DENND2B: variants seen among roughly 807,000 people sequenced by gnomAD.
DENND2B encodes the protein DENN domain-containing protein 2B.
DENND2B carries 32 observed loss-of-function variants against 116.0 expected under a neutral mutation model. The ratio of observed to expected loss-of-function variants is 0.28; its 90% CI spans 0.21 to 0.37. The LOEUF is 0.37. Among genes scored for constraint, DENND2B ranks in the 10% least tolerant of loss-of-function variants. DENND2B has a pLI of 1.00. For synonymous variants in DENND2B, 588 were observed against 583.9 expected (o/e 1.01, Z -0.10); for missense variants, 1,276 against 1,477.7 (o/e 0.86, Z 2.24).
intron 14 of DENND2B, among the ~76,000 whole-genome samples, chr11:8,700,212 G>T (rs1414068447): frequency 6.6e-6 from 1 of 152,174 alleles, no homozygotes; most frequent in East Asian, 1.9e-4. Context: ...CAGGGGCTTT[G>T]TTGGCTGACA....
intron 6 of DENND2B, 179 bp downstream of exon 6, chr11:8,715,424 T>G: frequency 1.6e-6 from 1 of 628,856 alleles, no homozygotes; most frequent in Non-Finnish European, 2.7e-6. Context: ...TCTTTATTGA[T>G]AAGAAAGGGG....
intron 1 of DENND2B, among the ~76,000 whole-genome samples, chr11:8,778,164 A>T (rs2057949794): frequency 6.6e-6 from 1 of 152,208 alleles, no homozygotes; most frequent in African/African-American, 2.4e-5. Flanking sequence ...AGAAGGAAAG[A>T]AGTTACCATT....
chr11:8,881,754 T>C (rs1032038410), intron 1 of DENND2B, among the ~76,000 whole-genome samples: 2 of 152,198 alleles, frequency 1.3e-5, no homozygotes, highest in African/African-American at 4.8e-5. Flanking sequence ...TTGGCCAGGC[T>C]GGTCTTGCAC....
chr11:8,833,190 C>A (rs1456224206), intron 4 of DENND2B, among the ~76,000 whole-genome samples: 1 of 152,120 alleles, frequency 6.6e-6, no homozygotes, highest in African/African-American at 2.4e-5. Flanking sequence ...TTTTTTAGTC[C>A]TACTGTTAGT....
intron 1 of DENND2B, chr11:8,794,834 G>A (rs2059676371): frequency 6.6e-6 from 1 of 152,278 alleles, no homozygotes; most frequent in Admixed American, 6.5e-5. Flanking sequence ...CTGGGGAAGT[G>A]AAAGTCAAGT....
At chr11:8,720,489 G>A (rs1434676449) in intron 4 of DENND2B, among the ~76,000 whole-genome samples, 1 of 152,210 alleles carries the variant, frequency 6.6e-6, no homozygotes, top group Non-Finnish European at 1.5e-5. Context: ...AGGAAGGCCT[G>A]CTCCTCCCCA....
intron 5 of DENND2B, among the ~76,000 whole-genome samples, chr11:8,716,192 G>A (rs747166771): frequency 4.6e-5 from 7 of 152,134 alleles, no homozygotes; most frequent in Admixed American, 3.9e-4. Flanking sequence ...CTCTGCTCCC[G>A]AGCCAATCCT....
chr11:8,721,318 TC>T (rs34723331), intron 4 of DENND2B, among the ~76,000 whole-genome samples: 49,695 of 151,534 alleles, frequency 0.33, 10,155 homozygotes, highest in Non-Finnish European at 0.43. Flanking sequence ...CTTTCACTCC[TC>T]CCCATAACTC....
chr11:8,712,582 T>G lies in DENND2B; in HGVS notation c.2141A>C (p.Tyr714Ser). 1 of 1,554,242 alleles carries G rather than the reference T, an allele frequency of 6.4e-7. No individual in the cohort carries two copies. Among genetic ancestry groups the G allele is most frequent in the Non-Finnish European group, 8.7e-7 (1 of 1,148,372 alleles). ...AAACTGGTAGGAGACTTCGGGGAGG[T>G]AGGTGTTTCGCGATGGCTTCTTCTT... is the stretch of plus-strand genomic sequence containing the variant. ...SLKKKPSRNT[Y>S]LPEVSYQFPK... The change falls in exon 9 of 20, where the codon TAC becomes TCC. Residue 714 changes from tyrosine to serine, a missense_variant. By Grantham distance (144) the Tyr-to-Ser change is moderately radical (BLOSUM62 -2). This residue lies in a region of DENND2B where 420 missense variants were observed against 631.1 expected (regional missense o/e 0.67). Transcript: ENST00000313726. This position sits in a 1 kb window ranked among gnomAD's most constrained non-coding sequence, Gnocchi z 4.4.
Position 8,707,147 on chromosome 11 carries a change from G to A in DENND2B, c.2509C>T (p.Pro837Ser). Residue 837 changes from proline (P) to serine (S), a missense_variant, in exon 13 of 20, where the codon CCC (proline) becomes TCC (serine). Physicochemically the swap from Pro to Ser is moderately conservative, Grantham distance 74. This residue lies in a region of DENND2B where 420 missense variants were observed against 631.1 expected (regional missense o/e 0.67). Coordinates refer to ENST00000313726, the MANE Select transcript of DENND2B (RefSeq NM_213618.2). This position sits in a 1 kb window ranked among gnomAD's most constrained non-coding sequence, Gnocchi z 4.8. The part of the protein sequence containing the change: ...YPFMRSLMES[P>S]FPAPGKTIKV... ...ATGGTCTTCCCTGGGGCTGGGAAGG[G>A]CGACTCCATGAGACTTCTCATGAAA... is the stretch of plus-strand genomic sequence containing the variant. 1 of 1,613,742 alleles carries A rather than the reference G, an allele frequency of 6.2e-7. No individual in the cohort carries two copies.
intron 3 of DENND2B, among the ~76,000 whole-genome samples, chr11:8,840,398 C>T (rs2062584635): frequency 6.6e-6 from 1 of 152,072 alleles, no homozygotes; most frequent in Non-Finnish European, 1.5e-5. Context: ...AAAGACCCCA[C>T]AAGAAAGGCT....
chr11:8,751,629 C>G (rs573228514), intron 1 of DENND2B, among the ~76,000 whole-genome samples: 2 of 152,092 alleles, frequency 1.3e-5, no homozygotes, highest in Non-Finnish European at 2.9e-5. Context: ...TACAGACATG[C>G]GGCCTTTAAG....
At chr11:8,850,964 A>T (rs1345144133) in intron 3 of DENND2B, among the ~76,000 whole-genome samples, 1 of 152,194 alleles carries the variant, frequency 6.6e-6, no homozygotes, top group East Asian at 1.9e-4. Flanking sequence ...TTATATGCCG[A>T]ATCTAGAAAA....
chr11:8,817,075 T>G (rs1374771848), intron 4 of DENND2B, among the ~76,000 whole-genome samples: 1 of 151,946 alleles, frequency 6.6e-6, no homozygotes, highest in Non-Finnish European at 1.5e-5. Context: ...AGAAGAAAGG[T>G]GCTAAATTAC....
intron 4 of DENND2B, among the ~76,000 whole-genome samples, chr11:8,821,711 C>A (rs566220810): frequency 6.3e-4 from 96 of 152,288 alleles, no homozygotes; most frequent in African/African-American, 2.2e-3. Flanking sequence ...AAAATTTATA[C>A]CAAGCAATAA....
intron 1 of DENND2B, among the ~76,000 whole-genome samples, chr11:8,907,484 C>A (rs966708199): frequency 2.0e-5 from 3 of 151,932 alleles, no homozygotes; most frequent in Non-Finnish European, 4.4e-5. Context: ...TAAATATGCA[C>A]ATATAAAAAT....
At chr11:8,735,516 G>C (rs992549649) in intron 2 of DENND2B, among the ~76,000 whole-genome samples, 1 of 152,258 alleles carries the variant, frequency 6.6e-6, no homozygotes, top group African/African-American at 2.4e-5. Context: ...ATGCAGGTGG[G>C]AAAGGCCACG....
At chr11:8,903,861 C>G (rs1286388641) in intron 1 of DENND2B, among the ~76,000 whole-genome samples, 1 of 137,898 alleles carries the variant, frequency 7.3e-6, no homozygotes, top group Non-Finnish European at 1.5e-5. Context: ...GGCACTCCAG[C>G]CTTGGCAACA....
At chr11:8,706,250 CCT>C (rs1303749944) in intron 13 of DENND2B, among the ~76,000 whole-genome samples, 1 of 152,018 alleles carries the variant, frequency 6.6e-6, no homozygotes, top group African/African-American at 2.4e-5. Context: ...AGAGTGAGAC[CCT>C]GTCTCAAAAA....
Sources: gnomAD v4.1 joint callset for allele counts (sites outside exome capture counted in the v4.1 genomes callset) on GRCh38, gnomAD v4.1.1 for gene constraint, gnomAD v4.1.1 regional missense constraint, Gnocchi (gnomAD v3.1) non-coding constraint, MANE v1.5 for transcripts, NCBI Gene and HGNC (gene_info 2026-07-23, HGNC 2026-07-21) for gene names.